Variants in QARS1 observed in about 807,000 individuals in gnomAD.
The protein encoded by QARS1 is glutamine--tRNA ligase.
QARS1 carries 79 observed loss-of-function variants against 106.9 expected under a neutral mutation model. The observed-to-expected ratio is 0.74, with a 90% confidence interval of 0.62 to 0.89. QARS1 has a LOEUF of 0.89. Ranked by LOEUF, QARS1 falls within the 40% of genes least tolerant of loss-of-function variation. The pLI, the probability that QARS1 is intolerant of heterozygous loss-of-function variation, is 0.00. For missense variants in QARS1, 966 were observed against 997.2 expected (o/e 0.97, Z 0.42); for synonymous variants, 395 against 367.7 (o/e 1.07, Z -0.85).
Position 49,099,789 on chromosome 3 carries a change from A to G in QARS1, c.1360T>C (p.Ser454Pro). The G allele has an allele frequency of 6.2e-7, 1 of 1,614,016 alleles. No homozygotes were observed. Among genetic ancestry groups the G allele is most frequent in the East Asian group, 2.2e-5 (1 of 44,878 alleles). Residue 454 changes from serine to proline, a missense_variant, in exon 15 of 24, where the codon TCA becomes CCA. Physicochemically the swap from Ser to Pro is moderately conservative, Grantham distance 74. Coordinates refer to ENST00000306125, the MANE Select transcript of QARS1 (RefSeq NM_005051.3). ...LCDSIEHITH[S>P]LCTKEFQARR... ...GCCTGGAATTCCTTGGTGCAGAGTG[A>G]GTGAGTGATGTGCTCGATGGAGTCA...
chr3:49,097,941 G>C, intron 23 of QARS1, 51 bp downstream of exon 23: 3 of 1,609,076 alleles, frequency 1.9e-6, no homozygotes, highest in Non-Finnish European at 1.7e-6. Context: ...CACAATGAAC[G>C]GCAGCCACTG....
intron 17 of QARS1, 28 bp downstream of exon 17, chr3:49,099,316 T>A: frequency 6.2e-7 from 1 of 1,614,094 alleles, no homozygotes; most frequent in Non-Finnish European, 8.5e-7. Context: ...CAACCCCCAA[T>A]GTATCTACCC....
In QARS1 at chr3:49,102,388, C is replaced by T. The variant is rs1407693614; in HGVS notation, c.570+31G>A. On this transcript the variant is annotated intron_variant, in intron 6 of 23. Coordinates refer to ENST00000306125, the MANE Select transcript of QARS1 (RefSeq NM_005051.3). ...AAGTCTCACCATACCTCACCTCACC[C>T]TCAGGGACTCAGGGCCATGCCCATC... 4 of 1,613,766 alleles carry T rather than the reference C, an allele frequency of 2.5e-6. No individual in the cohort carries two copies. The African/African-American group carries it at 5.3e-5, about 22-fold the overall frequency.
chr3:49,096,996 A>G (rs34326553), intron 23 of QARS1: 11,175 of 149,998 alleles, frequency 0.075, 540 homozygotes, highest in Non-Finnish European at 0.1. Flanking sequence ...AAAAAAGAAA[A>G]AAAAAAAAAA....
At position 49,100,669 on chromosome 3, in the gene QARS1, G is replaced by T. The variant is rs762805367; in HGVS notation, c.882C>A (p.Asn294Lys). Residue 294 changes from asparagine to lysine, a missense_variant, in exon 11 of 24, where the codon AAC (asparagine) becomes AAA (lysine). Transcript: ENST00000306125. ...CAAAACGCAGAAAACAGATGCCATT[G>T]TTGGCCTAGGAAAGTTGCACCATCT... ...INFNFGYAKA[N>K]NGICFLRFDD... is the part of the protein sequence containing the mutation. The T allele has an allele frequency of 3.1e-6, 5 of 1,594,850 alleles. No individual in the cohort carries two copies. The highest frequency in any genetic ancestry group is 1.1e-5 in the South Asian group (1 of 90,708).
intron 5 of QARS1, among the ~76,000 whole-genome samples, chr3:49,102,891 C>T (rs889718792): frequency 1.3e-5 from 2 of 152,230 alleles, no homozygotes; most frequent in African/African-American, 4.8e-5. Flanking sequence ...GATCTGCCCA[C>T]CTCAGCCTCC....
At position 49,100,108 on chromosome 3, in the gene QARS1, C is replaced by T. The variant is rs770631556; in HGVS notation, c.1165-17G>A. 1.2e-6 allele frequency: 2 copies of T among 1,614,146 alleles called. No homozygotes were observed. Among genetic ancestry groups the T allele is most frequent in the Admixed American group, 1.7e-5 (1 of 60,014 alleles). On this transcript the variant is annotated splice_polypyrimidine_tract_variant and intron_variant, in intron 13 of 23. Coordinates refer to ENST00000306125, the MANE Select transcript of QARS1 (RefSeq NM_005051.3). ...GCGCATTGCCTGAGGGGAACAAGGACTCAGGCTGTCTCTAAGCACAGGAGC... is the reference window on the plus strand; with the variant it reads ...GCGCATTGCCTGAGGGGAACAAGGATTCAGGCTGTCTCTAAGCACAGGAGC...
intron 19 of QARS1, 87 bp from the exon 20 acceptor site, chr3:49,098,779 T>G: frequency 2.0e-6 from 3 of 1,500,166 alleles, no homozygotes; most frequent in Non-Finnish European, 2.8e-6. Context: ...TGGCAAAGAT[T>G]GGTTCATCTG....
rs1298749529 is a variant in QARS1, at chr3:49,098,470, C to A, written c.1967G>T (p.Gly656Val). ...GGTCACCTCCAGACTCTCTACACAA[C>A]CACTGGGGCCCTGGAAGTGGGGGGA... ...ELQHVVKGPS[G>V]CVESLEVTCR... Residue 656 changes from glycine to valine, a missense_variant, in exon 21 of 24, where the codon GGT (glycine) becomes GTT (valine). Coordinates refer to ENST00000306125, the MANE Select transcript of QARS1 (RefSeq NM_005051.3). The A allele has an allele frequency of 6.2e-7, 1 of 1,614,180 alleles. No homozygotes were observed. The highest frequency in any genetic ancestry group is 8.5e-7 in the Non-Finnish European group (1 of 1,180,030).
In QARS1 at chr3:49,102,168, G is replaced by C. The variant is rs773481839; in HGVS notation, c.631+37C>G. 6 of 1,613,440 alleles carry C rather than the reference G, an allele frequency of 3.7e-6. No individual in the cohort carries two copies. The African/African-American group carries it at 8.0e-5, about 22-fold the overall frequency. ...CTTCTGAGGAGGTTCAGAAGTCAGG[G>C]AGCTGAATGCTGTGACAGGAGTCTC... On this transcript the variant is annotated intron_variant, in intron 7 of 23. Coordinates refer to ENST00000306125, the MANE Select transcript of QARS1 (RefSeq NM_005051.3).
In QARS1 at chr3:49,098,058, G is replaced by A. The variant is rs2042414053; in HGVS notation, c.2211C>T (p.Pro737=). 6.2e-7 allele frequency: 1 copy of A among 1,614,194 alleles called. No individual in the cohort carries two copies. Among genetic ancestry groups the A allele is most frequent in the Non-Finnish European group, 8.5e-7 (1 of 1,180,042 alleles). Residue 737 remains proline (P), a synonymous_variant, in exon 23 of 24, where the codon CCC becomes CCT. Transcript: ENST00000306125. Reference sequence around the variant, plus strand: ...GACGCTCAAACTGGAACTTGTCGAAGGGTTTTGCCAGGGCCACAGAGCAGT... The same window carrying A: ...GACGCTCAAACTGGAACTTGTCGAAAGGTTTTGCCAGGGCCACAGAGCAGT... ...LVDCSVALAK[P]FDKFQFERLG...
intron 5 of QARS1, chr3:49,102,728 G>A (rs978377516): frequency 7.2e-6 from 4 of 557,672 alleles, no homozygotes; most frequent in Middle Eastern, 5.4e-4. Context: ...TGCAACCTCC[G>A]CCTCCTGGAT....
Position 49,099,590 on chromosome 3 carries a change from C to A in QARS1, c.1446G>T (p.Trp482Cys). Residue 482 changes from tryptophan to cysteine, a missense_variant, in exon 16 of 24, where the codon TGG becomes TGT. Coordinates refer to ENST00000306125, the MANE Select transcript of QARS1 (RefSeq NM_005051.3). Reference protein sequence around the residue: ...NALDVYCPVQWEYGRLNLHYA... With the variant: ...NALDVYCPVQCEYGRLNLHYA... ...AGTGCAGGTTGAGGCGGCCATACTC[C>A]CACTGCACAGGGCAATAGACGTCCA... is the stretch of plus-strand genomic sequence containing the variant. The A allele has an allele frequency of 2.5e-6, 4 of 1,614,190 alleles. No homozygotes were observed. The highest frequency in any genetic ancestry group is 3.4e-6 in the Non-Finnish European group (4 of 1,180,014).
chr3:49,097,948 A>G, intron 23 of QARS1, 44 bp downstream of exon 23: 1 of 1,611,838 alleles, frequency 6.2e-7, no homozygotes, highest in Non-Finnish European at 8.5e-7. Flanking sequence ...AACGGCAGCC[A>G]CTGTCACTGC....
intron 2 of QARS1, 142 bp downstream of exon 2, chr3:49,104,182 T>C (rs2107113406): frequency 7.6e-7 from 1 of 1,312,594 alleles, no homozygotes; most frequent in East Asian, 2.3e-5. Flanking sequence ...AGTCTCACCA[T>C]AGGCCACCCC....
intron 18 of QARS1, 33 bp downstream of exon 18, chr3:49,099,077 A>G (rs2042431730): frequency 1.9e-6 from 3 of 1,613,850 alleles, no homozygotes; most frequent in Non-Finnish European, 2.5e-6. Flanking sequence ...AGCTACACAC[A>G]CACATGTGAC....
Position 49,099,957 on chromosome 3 carries a change from C to T in QARS1, c.1295+4G>A. ...CCCACCACCCCACCCCATTCTACAC[C>T]CACCATTTGTCCCCTGTGCGGTGGT... On this transcript the variant is annotated splice_donor_region_variant and intron_variant, in intron 14 of 23. Transcript: ENST00000306125. The T allele has an allele frequency of 6.2e-7, 1 of 1,614,198 alleles. No individual in the cohort carries two copies. The highest frequency in any genetic ancestry group is 1.6e-4 in the Middle Eastern group (1 of 6,062).
At position 49,099,405 on chromosome 3, in the gene QARS1, G is replaced by A; in HGVS notation, c.1553C>T (p.Thr518Ile). The change falls in exon 17 of 24, where the codon ACA becomes ATA. Residue 518 changes from threonine to isoleucine, a missense_variant. Transcript: ENST00000306125. ...GCCCCGCCGTCGCAGGGCCGTGAGT[G>A]TAAAGAGCCGTGGGTCATCCCAGTC... ...VRDWDDPRLF[T>I]LTALRRRGFP... 2 of 1,614,206 alleles carry A rather than the reference G, an allele frequency of 1.2e-6. No homozygotes were observed. Among genetic ancestry groups the A allele is most frequent in the East Asian group, 2.2e-5 (1 of 44,886 alleles).
At position 49,096,566 on chromosome 3, in the gene QARS1, G is replaced by A. The variant is rs180878422; in HGVS notation, c.2278-487C>T. Among the ~76,000 whole-genome samples, 397 of 152,152 alleles carry A rather than the reference G, an allele frequency of 2.6e-3. 1 individual carries two copies. The highest frequency in any genetic ancestry group is 0.017 in the Middle Eastern group (5 of 294). ...TGTAATCCCAGCACTCTGGGAGGCC[G>A]AGGCAGGCGGATCATGAGATCAGGA... On this transcript the variant is annotated intron_variant, in intron 23 of 23. Transcript: ENST00000306125.
Sources: gnomAD v4.1 joint callset for allele counts (sites outside exome capture counted in the v4.1 genomes callset) on GRCh38, gnomAD v4.1.1 for gene constraint, MANE v1.5 for transcripts, NCBI Gene and HGNC (gene_info 2026-07-23, HGNC 2026-07-21) for gene names.